MEGF9: variants seen among roughly 807,000 people sequenced by gnomAD.
MEGF9 encodes multiple epidermal growth factor-like domains protein 9.
Under a neutral mutation model 46.8 loss-of-function variants are expected in MEGF9, and 6 were observed. The ratio of observed to expected loss-of-function variants is 0.13; its 90% CI spans 0.07 to 0.25. The LOEUF is 0.25. Among genes scored for constraint, MEGF9 ranks in the 10% least tolerant of loss-of-function variants. MEGF9 has a pLI of 1.00. For synonymous variants in MEGF9, 302 were observed against 330.7 expected (o/e 0.91, Z 0.94); for missense variants, 683 against 792.4 (o/e 0.86, Z 1.66).
At position 120,607,793 on chromosome 9, in the gene MEGF9, C is replaced by T; in HGVS notation, c.1305G>A (p.Glu435=). 6.2e-7 allele frequency: 1 copy of T among 1,614,008 alleles called. No homozygotes were observed. The highest frequency in any genetic ancestry group is 8.5e-7 in the Non-Finnish European group (1 of 1,179,890). ...CLHNTTGFWC[E]NCLEGYVHDL... ...CGTGAACATAACCTTCTAGGCAGTT[C>T]TCACACCAAAACCCAGTGGTGTTAT... Residue 435 remains glutamate, a synonymous_variant, in exon 5 of 6, where the codon GAG becomes GAA. Coordinates refer to ENST00000373930, the MANE Select transcript of MEGF9 (RefSeq NM_001080497.3).
chr9:120,666,782 T>C (rs2043727041), intron 1 of MEGF9, among the ~76,000 whole-genome samples: 2 of 152,142 alleles, frequency 1.3e-5, no homozygotes, highest in Non-Finnish European at 1.5e-5. Context: ...TACACTATGG[T>C]ACATTCTCAT....
chr9:120,659,797 G>A (rs2132322881), intron 1 of MEGF9, among the ~76,000 whole-genome samples: 1 of 150,566 alleles, frequency 6.6e-6, no homozygotes, highest in Non-Finnish European at 1.5e-5. Context: ...CAGTGTGTGT[G>A]TGTGTGTGTG....
chr9:120,651,814 G>A (rs1002983298), intron 2 of MEGF9, among the ~76,000 whole-genome samples: 11 of 151,478 alleles, frequency 7.3e-5, no homozygotes, highest in African/African-American at 1.5e-4. Flanking sequence ...CAGCATGCCC[G>A]GCTAATTTTT....
At chr9:120,667,818 G>C (rs980263086) in intron 1 of MEGF9, among the ~76,000 whole-genome samples, 28 of 152,210 alleles carry the variant, frequency 1.8e-4, no homozygotes, top group African/African-American at 4.8e-4. Context: ...CGGAGGTCAG[G>C]AGTTCAAGAC....
intron 2 of MEGF9, among the ~76,000 whole-genome samples, chr9:120,630,477 G>A (rs1324149561): frequency 1.3e-5 from 2 of 152,186 alleles, no homozygotes; most frequent in East Asian, 3.8e-4. Flanking sequence ...ACATGGGCAT[G>A]CAAATATCTC....
intron 1 of MEGF9, among the ~76,000 whole-genome samples, chr9:120,701,616 A>T (rs2043905316): frequency 1.3e-5 from 2 of 152,270 alleles, no homozygotes. Flanking sequence ...TTGGAGGCTC[A>T]GTAACTTTAA....
chr9:120,629,001 G>GGTCT (rs1006849419), intron 2 of MEGF9, among the ~76,000 whole-genome samples: 10 of 151,762 alleles, frequency 6.6e-5, no homozygotes, highest in African/African-American at 2.4e-4. Context: ...TTTGATACAG[G>GGTCT]GTCTCACTGT....
At position 120,604,754 on chromosome 9, in the gene MEGF9, A is replaced by G. The variant is rs1245622789; in HGVS notation, c.*436T>C. On this transcript the variant is annotated 3_prime_UTR_variant, in exon 6 of 6. Coordinates refer to ENST00000373930, the MANE Select transcript of MEGF9 (RefSeq NM_001080497.3). The stretch of plus-strand genomic sequence containing the variant: ...CCTCAATGATGTCCTTTTGTATAGT[A>G]AAACGAATATAATCCCTGACACTGT... 1 of 172,702 alleles carries G rather than the reference A, an allele frequency of 5.8e-6. No homozygotes were observed. The allele number at this position is 172,702 out of a possible 1,614,324, so 10.7% of individuals were successfully genotyped here.
At chr9:120,646,263 C>T (rs1291081676) in intron 2 of MEGF9, among the ~76,000 whole-genome samples, 1 of 152,116 alleles carries the variant, frequency 6.6e-6, no homozygotes, top group Non-Finnish European at 1.5e-5. Flanking sequence ...TCCCTACTTA[C>T]ATCTACTCAT....
At chr9:120,674,444 T>G (rs1007234387) in intron 1 of MEGF9, among the ~76,000 whole-genome samples, 1 of 152,154 alleles carries the variant, frequency 6.6e-6, no homozygotes, top group African/African-American at 2.4e-5. Flanking sequence ...CTACTACACA[T>G]CTAAGAGAAT....
At chr9:120,612,923 ATCT>A (rs944603226) in intron 3 of MEGF9, among the ~76,000 whole-genome samples, 14 of 129,320 alleles carry the variant, frequency 1.1e-4, no homozygotes, top group East Asian at 4.4e-4. Context: ...ACATGCACAA[ATCT>A]TTTTTTTTTT....
chr9:120,687,017 C>A (rs1294270123), intron 1 of MEGF9, among the ~76,000 whole-genome samples: 1 of 151,496 alleles, frequency 6.6e-6, no homozygotes, highest in African/African-American at 2.4e-5. Flanking sequence ...GAAATTAAGC[C>A]AACTACCCAC....
At chr9:120,674,064 A>C (rs1015200199) in intron 1 of MEGF9, among the ~76,000 whole-genome samples, 2 of 151,164 alleles carry the variant, frequency 1.3e-5, no homozygotes, top group African/African-American at 4.9e-5. Context: ...CACAGAAGAA[A>C]ATATGATTGA....
chr9:120,695,154 T>C (rs893779858), intron 1 of MEGF9, among the ~76,000 whole-genome samples: 1 of 152,134 alleles, frequency 6.6e-6, no homozygotes, highest in Non-Finnish European at 1.5e-5. Context: ...TGCTGTTCAA[T>C]GATTTATTTA....
chr9:120,712,754 C>G (rs539505936), intron 1 of MEGF9, among the ~76,000 whole-genome samples: 65 of 152,302 alleles, frequency 4.3e-4, no homozygotes, highest in African/African-American at 1.3e-3. Context: ...CCCAGCTAGA[C>G]AAAGGATTTG....
intron 2 of MEGF9, among the ~76,000 whole-genome samples, chr9:120,644,013 C>T (rs1414689425): frequency 6.6e-6 from 1 of 152,164 alleles, no homozygotes; most frequent in Non-Finnish European, 1.5e-5. Context: ...CCATGAGGCT[C>T]GGCCTGTTTA....
At chr9:120,610,027 C>G (rs1009095854) in intron 4 of MEGF9, among the ~76,000 whole-genome samples, 8 of 152,230 alleles carry the variant, frequency 5.3e-5, no homozygotes, top group Admixed American at 6.5e-5. Context: ...TAACTTACCA[C>G]TTACAATCCT....
rs566319245 is a variant in MEGF9 at position 120,607,935 on chromosome 9, T to C, written c.1163A>G (p.Asn388Ser). 10 of 1,614,020 alleles carry C rather than the reference T, an allele frequency of 6.2e-6. No individual in the cohort carries two copies. The Admixed American group carries it at 1.5e-4, about 24-fold the overall frequency. Residue 388 changes from asparagine (N) to serine (S), a missense_variant, in exon 5 of 6, where the codon AAT (asparagine) becomes AGT (serine). By Grantham distance (46) the Asn-to-Ser change is conservative (BLOSUM62 1). Coordinates refer to ENST00000373930, the MANE Select transcript of MEGF9 (RefSeq NM_001080497.3). The part of the protein sequence containing the change: ...YIGPNCNKCE[N>S]GYYNFDSICR... ...GATGCTGTCAAAATTGTAATAGCCA[T>C]TTTCACATTTATTGCAGTTCGGGCC... is the stretch of plus-strand genomic sequence containing the variant.
intron 1 of MEGF9, among the ~76,000 whole-genome samples, chr9:120,687,670 CTGTGTG>C (rs71385077): frequency 0.62 from 88,523 of 141,834 alleles, 29,461 homozygotes; most frequent in Admixed American, 0.75. Flanking sequence ...GAACACAACA[CTGTGTG>C]TGTGTGTGTG....
Sources: allele counts gnomAD v4.1 joint callset (sites outside exome capture counted in the v4.1 genomes callset), GRCh38; gene constraint gnomAD v4.1.1; transcripts MANE v1.5; gene names NCBI Gene and HGNC (gene_info 2026-07-23, HGNC 2026-07-21).